Variants in MAGI1 observed in about 807,000 individuals in gnomAD.
MAGI1 encodes membrane-associated guanylate kinase, WW and PDZ domain-containing protein 1.
A neutral mutation model predicts 139.9 loss-of-function variants in MAGI1; 58 were observed. That is an observed-to-expected ratio of 0.41 (90% CI 0.34 to 0.52). The LOEUF is 0.52. Among genes scored for constraint, MAGI1 ranks in the 20% least tolerant of loss-of-function variants. MAGI1 has a pLI of 0.12. For synonymous variants in MAGI1, 812 were observed against 737.9 expected (o/e 1.10, Z -1.63); for missense variants, 1,874 against 1,901.6 (o/e 0.99, Z 0.27).
intron 1 of MAGI1, among the ~76,000 whole-genome samples, chr3:65,750,688 C>A (rs1467081128): frequency 6.6e-6 from 1 of 152,126 alleles, no homozygotes; most frequent in Non-Finnish European, 1.5e-5. Context: ...GGAGTCCAAT[C>A]CCAAATCTAT....
intron 2 of MAGI1, among the ~76,000 whole-genome samples, chr3:65,518,792 C>A (rs976215748): frequency 6.6e-6 from 1 of 151,696 alleles, no homozygotes; most frequent in South Asian, 2.1e-4. Context: ...ATAAATAAAC[C>A]GAGTTTACGT....
chr3:65,847,337 C>T (rs987747659), intron 1 of MAGI1, among the ~76,000 whole-genome samples: 1 of 152,096 alleles, frequency 6.6e-6, no homozygotes, highest in South Asian at 2.1e-4. Context: ...TGGAAATACC[C>T]TAGCTAGGTT....
At chr3:65,370,653 T>C (rs1455352445) in intron 18 of MAGI1, among the ~76,000 whole-genome samples, 4 of 152,206 alleles carry the variant, frequency 2.6e-5, no homozygotes, top group Non-Finnish European at 5.9e-5. Context: ...ATTTTGTTTG[T>C]TCTGAGACAT....
At chr3:65,931,820 C>A (rs1183693250) in intron 1 of MAGI1, among the ~76,000 whole-genome samples, 2 of 152,124 alleles carry the variant, frequency 1.3e-5, no homozygotes, top group African/African-American at 2.4e-5. Context: ...TGAAACAGAT[C>A]ATTGGAAACC....
At chr3:65,748,998 C>T (rs918536133) in intron 1 of MAGI1, among the ~76,000 whole-genome samples, 12 of 152,018 alleles carry the variant, frequency 7.9e-5, no homozygotes, top group Non-Finnish European at 1.0e-4. Flanking sequence ...AACAGGCCAG[C>T]GGCAGTAGGG....
At chr3:65,603,247 A>G (rs917464964) in intron 2 of MAGI1, among the ~76,000 whole-genome samples, 3 of 152,278 alleles carry the variant, frequency 2.0e-5, no homozygotes, top group African/African-American at 7.2e-5. Flanking sequence ...TGTTTATTAT[A>G]TATTTTCTAC....
chr3:65,718,121 G>A (rs1373992648), intron 1 of MAGI1, among the ~76,000 whole-genome samples: 1 of 152,116 alleles, frequency 6.6e-6, no homozygotes, highest in Non-Finnish European at 1.5e-5. Flanking sequence ...CTGATAAGGT[G>A]TTCTACAAGG....
At chr3:65,455,678 A>G (rs1051471931) in intron 5 of MAGI1, among the ~76,000 whole-genome samples, 2 of 152,220 alleles carry the variant, frequency 1.3e-5, no homozygotes, top group Non-Finnish European at 2.9e-5. Context: ...CAGAGGTTGC[A>G]GTGAGCAGAG....
At chr3:65,860,698 T>C (rs897464579) in intron 1 of MAGI1, among the ~76,000 whole-genome samples, 4 of 152,100 alleles carry the variant, frequency 2.6e-5, no homozygotes, top group Admixed American at 2.0e-4. Context: ...ACAGATTCCA[T>C]GGGGGAGAAA....
At chr3:65,999,581 A>G (rs1382816524) in intron 1 of MAGI1, among the ~76,000 whole-genome samples, 1 of 152,184 alleles carries the variant, frequency 6.6e-6, no homozygotes, top group African/African-American at 2.4e-5. Flanking sequence ...TTTAACATAT[A>G]CTTTCAGACC....
rs1448295401 is a variant in MAGI1, at chr3:65,659,193, TC to T, written c.314-37106del. ...TATGAAGTACAGTTACCCGAGAACT[TC>T]CAGTTCTGTTTCTGGAGGAAAAAAA... On this transcript the variant is annotated intron_variant, in intron 1 of 22. Coordinates refer to ENST00000402939, the MANE Select transcript of MAGI1 (RefSeq NM_001033057.2). 3.9e-5 allele frequency among the ~76,000 whole-genome samples: 6 copies of T among 152,206 alleles called. No individual in the cohort carries two copies. The East Asian group carries it at 1.2e-3, about 29-fold the overall frequency.
At chr3:65,891,878 A>G (rs1366310758) in intron 1 of MAGI1, among the ~76,000 whole-genome samples, 1 of 115,930 alleles carries the variant, frequency 8.6e-6, no homozygotes, top group Admixed American at 9.9e-5. Context: ...CCTAGAACTT[A>G]AAGTATAATA....
chr3:65,941,146 G>C (rs1403303417), intron 1 of MAGI1, among the ~76,000 whole-genome samples: 4 of 152,130 alleles, frequency 2.6e-5, no homozygotes, highest in Non-Finnish European at 5.9e-5. Context: ...AGGAGTTCGA[G>C]ACCAGCCTGG....
chr3:65,723,435 G>C (rs1176811118), intron 1 of MAGI1, among the ~76,000 whole-genome samples: 2 of 152,134 alleles, frequency 1.3e-5, no homozygotes, highest in East Asian at 3.9e-4. Flanking sequence ...ACAATCTCTA[G>C]GGGCAGAAAT....
At chr3:65,585,730 T>A (rs977460482) in intron 2 of MAGI1, among the ~76,000 whole-genome samples, 5 of 152,204 alleles carry the variant, frequency 3.3e-5, no homozygotes, top group Non-Finnish European at 7.3e-5. Context: ...TATTTAGTTA[T>A]CTCTCTGGCC....
intron 2 of MAGI1, among the ~76,000 whole-genome samples, chr3:65,542,746 T>C (rs921198974): frequency 1.3e-5 from 2 of 152,116 alleles, no homozygotes; most frequent in Non-Finnish European, 2.9e-5. Flanking sequence ...TATAAAAAAA[T>C]TAACTCGAGA....
rs1437377703 is a variant in MAGI1, at chr3:65,453,485, G to A, written c.960-145C>T. The A allele has an allele frequency of 6.2e-5, 40 of 641,982 alleles. No individual in the cohort carries two copies. The South Asian group carries it at 7.6e-4, about 12-fold the overall frequency. The allele number at this position is 641,982 out of a possible 1,614,324, so 39.8% of individuals were successfully genotyped here. On this transcript the variant is annotated intron_variant, in intron 5 of 22. Transcript: ENST00000402939. ...CCAACAGCAAATCCAAACCAGAAGAGAGCCTGAGTTTACAATTATAAAATG... is the reference window on the plus strand; with the variant it reads ...CCAACAGCAAATCCAAACCAGAAGAAAGCCTGAGTTTACAATTATAAAATG...
chr3:65,847,216 T>C (rs1240483453), intron 1 of MAGI1, among the ~76,000 whole-genome samples: 2 of 151,810 alleles, frequency 1.3e-5, no homozygotes, highest in Non-Finnish European at 2.9e-5. Context: ...AGAGACAGAG[T>C]CTTCTACATG....
At chr3:65,779,319 T>G (rs1324222366) in intron 1 of MAGI1, among the ~76,000 whole-genome samples, 1 of 152,192 alleles carries the variant, frequency 6.6e-6, no homozygotes, top group Non-Finnish European at 1.5e-5. Context: ...TATTCTGGTC[T>G]CAAGAGAACA....
Sources: allele counts gnomAD v4.1 joint callset (sites outside exome capture counted in the v4.1 genomes callset), GRCh38; gene constraint gnomAD v4.1.1; transcripts MANE v1.5; gene names NCBI Gene and HGNC (gene_info 2026-07-23, HGNC 2026-07-21).